Variants in FAM3D observed in about 807,000 individuals in gnomAD.
FAM3D encodes protein FAM3D.
A neutral mutation model predicts 29.8 loss-of-function variants in FAM3D; 26 were observed. The ratio of observed to expected loss-of-function variants is 0.87; its 90% confidence interval spans 0.64 to 1.21. The LOEUF (loss-of-function observed/expected upper bound fraction) is 1.21, where lower values mean the gene tolerates loss of function less well. Among genes scored for constraint, FAM3D ranks in the 50% most tolerant of loss-of-function variants. The probability of loss-of-function intolerance (pLI) is 0.00; values close to 1 mark genes in which losing one functional copy is unlikely to be tolerated. For synonymous variants in FAM3D, 115 were observed against 102.3 expected, an observed-to-expected ratio of 1.12 and a Z score of -0.75; for missense variants, 253 against 290.9, an observed-to-expected ratio of 0.87 and a Z score of 0.95.
rs756720045 is a variant in FAM3D at position 58,643,685 on chromosome 3, C to T, written c.299G>A (p.Gly100Asp). 6.2e-7 allele frequency: 1 copy of T among 1,613,806 alleles called. No individual in the cohort carries two copies. Among genetic ancestry groups the T allele is most frequent in the Admixed American group, 1.7e-5 (1 of 60,036 alleles). The change falls in exon 6 of 10, where the codon GGC becomes GAC. Residue 100 changes from glycine to aspartate, a missense_variant. Transcript: ENST00000358781. ...ACCATTCACCAGGGCGATGTTTAGG[C>T]CTCTGCCCACATTGTTTTTCACAGG... ...MSPVKNNVGR[G>D]LNIALVNGTT...
Position 58,645,467 on chromosome 3 carries a change from A to G in FAM3D, c.263+42T>C, listed in dbSNP as rs1264968073. 4 of 1,413,564 alleles carry G rather than the reference A, an allele frequency of 2.8e-6. No individual in the cohort carries two copies. In the East Asian group the frequency reaches 7.5e-5, roughly 27 times the overall value. The allele number at this position is 1,413,564 out of a possible 1,614,324, so 87.6% of individuals were successfully genotyped here. Reference sequence around the variant, plus strand: ...TTTTAATGAATGAATGAAATAAAATAAAATAAAATAAAATAAACATAGTTG... The same window carrying G: ...TTTTAATGAATGAATGAAATAAAATGAAATAAAATAAAATAAACATAGTTG... On this transcript the variant is annotated intron_variant, in intron 5 of 9. Coordinates refer to ENST00000358781, the MANE Select transcript of FAM3D (RefSeq NM_138805.3).
chr3:58,652,458 C>T (rs937211335), intron 3 of FAM3D, among the ~76,000 whole-genome samples: 2 of 151,720 alleles, frequency 1.3e-5, no homozygotes, highest in African/African-American at 4.9e-5. Flanking sequence ...TCTACTCACT[C>T]ATCCCTTCTC....
At chr3:58,637,017 A>G (rs2066190006) in intron 8 of FAM3D, 124 bp downstream of exon 8, 1 of 784,066 alleles carries the variant, frequency 1.3e-6, no homozygotes, top group Non-Finnish European at 2.1e-6. Context: ...TACTTGTCTG[A>G]TAATTTCCTC....
At chr3:58,642,802 A>T (rs1575475200) in intron 6 of FAM3D, among the ~76,000 whole-genome samples, 1 of 152,070 alleles carries the variant, frequency 6.6e-6, no homozygotes, top group Admixed American at 6.5e-5. Context: ...CACACTGCTC[A>T]AAGCCTTTCC....
At chr3:58,638,437 C>T (rs2066237314) in intron 7 of FAM3D, among the ~76,000 whole-genome samples, 1 of 152,180 alleles carries the variant, frequency 6.6e-6, no homozygotes, top group African/African-American at 2.4e-5. Context: ...GGATGAGTAA[C>T]AGCCCTGCTT....
intron 3 of FAM3D, among the ~76,000 whole-genome samples, chr3:58,649,569 A>G (rs2066573571): frequency 7.3e-6 from 1 of 136,680 alleles, no homozygotes; most frequent in South Asian, 2.2e-4. Context: ...ATACACATGC[A>G]CACACACACA....
intron 1 of FAM3D, among the ~76,000 whole-genome samples, chr3:58,664,784 C>A (rs1456899332): frequency 6.6e-6 from 1 of 152,218 alleles, no homozygotes; most frequent in African/African-American, 2.4e-5. Flanking sequence ...CCTCCAGAAG[C>A]AAGGGATTGG....
At chr3:58,639,772 C>T (rs1420430320) in intron 7 of FAM3D, among the ~76,000 whole-genome samples, 2 of 152,192 alleles carry the variant, frequency 1.3e-5, no homozygotes, top group African/African-American at 4.8e-5. Flanking sequence ...GCGGACTGCT[C>T]ACCCATGAGT....
chr3:58,650,503 G>C (rs1378641877), intron 3 of FAM3D, among the ~76,000 whole-genome samples: 1 of 152,022 alleles, frequency 6.6e-6, no homozygotes, highest in African/African-American at 2.4e-5. Context: ...TAGAGAGAAA[G>C]CTGCCCATGG....
intron 3 of FAM3D, among the ~76,000 whole-genome samples, chr3:58,649,654 GCACA>G (rs1022730149): frequency 2.0e-5 from 3 of 151,996 alleles, no homozygotes; most frequent in Non-Finnish European, 4.4e-5. Context: ...ACACATGTGT[GCACA>G]CACAGACGTG....
At chr3:58,656,973 C>T (rs1291277563) in intron 1 of FAM3D, among the ~76,000 whole-genome samples, 5 of 152,212 alleles carry the variant, frequency 3.3e-5, no homozygotes, top group Admixed American at 2.6e-4. Flanking sequence ...TGTAACAGTC[C>T]TCCCACCACC....
Position 58,637,915 on chromosome 3 carries a change from T to A in FAM3D, c.374-690A>T, listed in dbSNP as rs2364302. On this transcript the variant is annotated intron_variant, in intron 7 of 9. Transcript: ENST00000358781. ...TATTATTATTCTGACACAGAGTTTC[T>A]CTCTCGTTGCCCAGGCTGGAGTGCA... Among the ~76,000 whole-genome samples, 934 of 151,870 alleles carry A rather than the reference T, an allele frequency of 6.2e-3. 10 individuals carry two copies. Among genetic ancestry groups the A allele is most frequent in the South Asian group, 0.024 (113 of 4,780 alleles).
In FAM3D at chr3:58,640,155, T is replaced by C. The variant is rs145354744; in HGVS notation, c.345A>G (p.Gly115=). Residue 115 remains glycine (G), a synonymous_variant, in exon 7 of 10, where the codon GGA becomes GGG. Transcript: ENST00000358781. ...CAGAGTACATGTCAAATGCCTTCTG[T>C]CCCAGCACAGCTCCCGTGGTTCCTA... ...LVNGTTGAVL[G]QKAFDMYSGD... is the part of the protein sequence containing the mutation. The C allele has an allele frequency of 2.5e-6, 4 of 1,614,024 alleles. No individual in the cohort carries two copies. The highest frequency in any genetic ancestry group is 3.4e-6 in the Non-Finnish European group (4 of 1,180,028).
At chr3:58,657,541 C>T (rs1393702093) in intron 1 of FAM3D, 1 of 152,430 alleles carries the variant, frequency 6.6e-6, no homozygotes, top group Non-Finnish European at 1.5e-5. Context: ...GGGTTAGCCT[C>T]TTGCTGTCCT....
intron 4 of FAM3D, 129 bp from the exon 5 acceptor site, chr3:58,645,755 C>G (rs762838006): frequency 1.0e-4 from 81 of 788,238 alleles, no homozygotes; most frequent in Non-Finnish European, 1.5e-4. Context: ...TCTGGGGGAG[C>G]CTTCGCTGAT....
intron 3 of FAM3D, among the ~76,000 whole-genome samples, chr3:58,652,806 T>C (rs1393028216): frequency 1.3e-5 from 2 of 150,696 alleles, no homozygotes; most frequent in East Asian, 4.0e-4. Context: ...TCCATTTATC[T>C]ATCCACCCAC....
chr3:58,661,314 A>G (rs944362395), intron 1 of FAM3D, among the ~76,000 whole-genome samples: 7 of 151,980 alleles, frequency 4.6e-5, no homozygotes, highest in Non-Finnish European at 8.8e-5. Context: ...CTCCCATGGG[A>G]TAAGAGTGAG....
At chr3:58,647,448 G>A (rs2066512787) in intron 4 of FAM3D, among the ~76,000 whole-genome samples, 1 of 152,140 alleles carries the variant, frequency 6.6e-6, no homozygotes, top group Non-Finnish European at 1.5e-5. Flanking sequence ...ACAGCCTTGG[G>A]GCCCCACCTC....
chr3:58,642,868 C>G (rs1395512953), intron 6 of FAM3D, among the ~76,000 whole-genome samples: 1 of 152,190 alleles, frequency 6.6e-6, no homozygotes, highest in African/African-American at 2.4e-5. Context: ...CTTGCTAGCT[C>G]CTCATCCTCT....
Sources: allele counts gnomAD v4.1 joint callset (sites outside exome capture counted in the v4.1 genomes callset), GRCh38; gene constraint gnomAD v4.1.1; transcripts MANE v1.5; gene names NCBI Gene and HGNC (gene_info 2026-07-23, HGNC 2026-07-21).